Variants in SYNDIG1 observed in about 807,000 individuals in gnomAD.
SYNDIG1 encodes the protein synapse differentiation-inducing gene protein 1.
In SYNDIG1, 9 loss-of-function variants were observed where a neutral mutation model predicts 19.4. That is an observed-to-expected ratio of 0.46 (90% CI 0.28 to 0.81). The LOEUF (loss-of-function observed/expected upper bound fraction) is 0.81, where lower values mean the gene tolerates loss of function less well. Ranked by LOEUF, SYNDIG1 falls within the 30% of genes least tolerant of loss-of-function variation. The probability of loss-of-function intolerance (pLI) is 0.12; values close to 1 mark genes in which losing one functional copy is unlikely to be tolerated. For synonymous variants in SYNDIG1, 141 were observed against 145.9 expected (o/e 0.97, Z 0.24); for missense variants, 311 against 343.3 (o/e 0.91, Z 0.74).
At chr20:24,502,330 A>G (rs536412785) in intron 1 of SYNDIG1, 5 of 152,242 alleles carry the variant, frequency 3.3e-5, no homozygotes, top group African/African-American at 1.2e-4. Flanking sequence ...CTTTCTCCCC[A>G]TCACTAAGTG....
At chr20:24,591,274 G>T (rs1207573710) in intron 3 of SYNDIG1, among the ~76,000 whole-genome samples, 1 of 151,970 alleles carries the variant, frequency 6.6e-6, no homozygotes, top group Non-Finnish European at 1.5e-5. Context: ...CATGCCTGTG[G>T]TCACAGCTAG....
Position 24,554,876 on chromosome 20 carries a change from A to T in SYNDIG1, c.480+11299A>T, listed in dbSNP as rs1044818774. On this transcript the variant is annotated intron_variant, in intron 2 of 3. Coordinates refer to ENST00000376862, the MANE Select transcript of SYNDIG1 (RefSeq NM_024893.3). ...ATTGATTGGAATAGTTTCAGAAGGA[A>T]TAGTACCAGTTCCTCCTTGTACCTC... 2.3e-4 allele frequency among the ~76,000 whole-genome samples: 35 copies of T among 151,892 alleles called. 1 individual carries two copies. The highest frequency in any genetic ancestry group is 8.2e-4 in the African/African-American group (34 of 41,360).
At chr20:24,656,496 G>A (rs752339188) in intron 3 of SYNDIG1, among the ~76,000 whole-genome samples, 8 of 152,218 alleles carry the variant, frequency 5.3e-5, no homozygotes, top group Non-Finnish European at 1.0e-4. Flanking sequence ...GCCAGGAGGC[G>A]TTTGCAGAAG....
intron 3 of SYNDIG1, among the ~76,000 whole-genome samples, chr20:24,595,138 G>T (rs879654082): frequency 2.0e-5 from 3 of 152,102 alleles, no homozygotes; most frequent in Non-Finnish European, 2.9e-5. Context: ...GTATGATATT[G>T]GCTTTGGGTT....
chr20:24,598,974 C>A (rs920688312), intron 3 of SYNDIG1, among the ~76,000 whole-genome samples: 1 of 151,978 alleles, frequency 6.6e-6, no homozygotes, highest in African/African-American at 2.4e-5. Flanking sequence ...GCAACCAAAA[C>A]AAAAATAGAC....
intron 1 of SYNDIG1, among the ~76,000 whole-genome samples, chr20:24,496,830 T>A (rs2056316259): frequency 6.6e-6 from 1 of 152,240 alleles, no homozygotes; most frequent in African/African-American, 2.4e-5. Context: ...TTCACTTTTG[T>A]ACTTTAAATA....
intron 1 of SYNDIG1, chr20:24,495,509 G>A (rs1003093853): frequency 3.3e-5 from 5 of 152,322 alleles, no homozygotes; most frequent in Non-Finnish European, 5.9e-5. Context: ...CCTGTGGTCT[G>A]GGGCCAGGAG....
At chr20:24,503,198 C>T (rs1269213094) in intron 1 of SYNDIG1, among the ~76,000 whole-genome samples, 1 of 152,182 alleles carries the variant, frequency 6.6e-6, no homozygotes, top group Non-Finnish European at 1.5e-5. Flanking sequence ...GCGTCCCCTG[C>T]CAGAAGGCGG....
chr20:24,635,889 C>T (rs2059309876), intron 3 of SYNDIG1, among the ~76,000 whole-genome samples: 1 of 152,176 alleles, frequency 6.6e-6, no homozygotes, highest in South Asian at 2.1e-4. Context: ...GGGACCCTCT[C>T]ACCAGTTTAT....
At chr20:24,606,151 T>C (rs1003789384) in intron 3 of SYNDIG1, among the ~76,000 whole-genome samples, 68 of 152,242 alleles carry the variant, frequency 4.5e-4, no homozygotes, top group African/African-American at 1.6e-3. Flanking sequence ...AACAATGTGC[T>C]GGTTGATCAC....
intron 3 of SYNDIG1, among the ~76,000 whole-genome samples, chr20:24,613,196 G>A (rs368357671): frequency 4.7e-4 from 71 of 152,258 alleles, no homozygotes; most frequent in African/African-American, 1.6e-3. Flanking sequence ...TCCTGGTGAC[G>A]GCCATTCCCA....
intron 3 of SYNDIG1, among the ~76,000 whole-genome samples, chr20:24,611,798 A>C (rs1406481335): frequency 6.6e-6 from 1 of 152,212 alleles, no homozygotes; most frequent in Non-Finnish European, 1.5e-5. Context: ...TCCTTTGAGC[A>C]TTCTAAGCTC....
chr20:24,528,680 C>T (rs1325758416), intron 1 of SYNDIG1, among the ~76,000 whole-genome samples: 1 of 152,188 alleles, frequency 6.6e-6, no homozygotes, highest in Non-Finnish European at 1.5e-5. Context: ...AGGGCTCCAC[C>T]TCTTAATGCC....
intron 1 of SYNDIG1, among the ~76,000 whole-genome samples, chr20:24,523,814 C>T (rs1047360169): frequency 7.2e-5 from 11 of 152,214 alleles, no homozygotes; most frequent in Admixed American, 1.3e-4. Flanking sequence ...TCCAGCTGTG[C>T]ATGCGCGCTG....
chr20:24,628,835 A>G (rs2059198151), intron 3 of SYNDIG1, among the ~76,000 whole-genome samples: 2 of 152,120 alleles, frequency 1.3e-5, no homozygotes, highest in South Asian at 4.2e-4. Flanking sequence ...ATCATCCCAG[A>G]ACAGGAAGTG....
At chr20:24,661,466 G>GGAGAGAGGGAAGAGGGAGGAAA (rs1568723168) in intron 3 of SYNDIG1, among the ~76,000 whole-genome samples, 8 of 144,624 alleles carry the variant, frequency 5.5e-5, no homozygotes, top group Admixed American at 6.8e-5. Context: ...GAAGTAGGAA[G>GGAGAGAGGGAAGAGGGAGGAAA]GAGGGAGGGA....
intron 2 of SYNDIG1, among the ~76,000 whole-genome samples, chr20:24,551,049 C>G (rs184877763): frequency 6.6e-6 from 1 of 152,230 alleles, no homozygotes; most frequent in African/African-American, 2.4e-5. Context: ...TTATTTCTCT[C>G]TTTATTTTCT....
intron 2 of SYNDIG1, among the ~76,000 whole-genome samples, chr20:24,584,250 C>T (rs974858240): frequency 9.9e-5 from 15 of 152,190 alleles, no homozygotes; most frequent in Admixed American, 9.8e-4. Context: ...TCAGGCCCCA[C>T]CTGTGTCTTG....
chr20:24,640,197 C>G (rs2059357989), intron 3 of SYNDIG1, among the ~76,000 whole-genome samples: 1 of 151,738 alleles, frequency 6.6e-6, no homozygotes, highest in South Asian at 2.1e-4. Flanking sequence ...AGCTGGGGGT[C>G]ATGGGGAGTG....
Sources: allele counts gnomAD v4.1 joint callset (sites outside exome capture counted in the v4.1 genomes callset), GRCh38; gene constraint gnomAD v4.1.1; transcripts MANE v1.5; gene names NCBI Gene and HGNC (gene_info 2026-07-23, HGNC 2026-07-21).